TTLL4: variants seen among roughly 807,000 people sequenced by gnomAD.
TTLL4 encodes the protein tubulin tyrosine ligase like 4.
A neutral mutation model predicts 122.7 loss-of-function variants in TTLL4; 85 were observed. The ratio of observed to expected loss-of-function variants is 0.69; its 90% CI spans 0.58 to 0.83. The LOEUF (loss-of-function observed/expected upper bound fraction) is 0.83. TTLL4 is among the 40% of genes least tolerant of loss of function. The probability of loss-of-function intolerance (pLI) is 0.00; values close to 1 mark genes in which losing one functional copy is unlikely to be tolerated. For synonymous variants in TTLL4, 553 were observed against 563.0 expected, an observed-to-expected ratio of 0.98 and a Z score of 0.25; for missense variants, 1,363 against 1,488.6, an observed-to-expected ratio of 0.92 and a Z score of 1.39.
chr2:218,739,004 C>A lies in TTLL4; in HGVS notation c.1328C>A (p.Ser443Tyr). The change falls in exon 3 of 20, where the codon TCC (serine) becomes TAC (tyrosine). Residue 443 changes from serine (S) to tyrosine (Y), a missense_variant. Physicochemically the swap from Ser to Tyr is moderately radical, Grantham distance 144. This residue lies in a region of TTLL4 where 760 missense variants were observed against 808.4 expected (regional missense o/e 0.94). Transcript: ENST00000392102. ...HNPACESVID[S>Y]SAFGEGKAPG... ...CCTGCCTGTGAATCTGTAATTGACT[C>A]CTCAGCATTTGGAGAAGGCAAAGCT... 2 of 1,614,180 alleles carry A rather than the reference C, an allele frequency of 1.2e-6. No homozygotes were observed. Among genetic ancestry groups the A allele is most frequent in the Non-Finnish European group, 1.7e-6 (2 of 1,180,036 alleles).
chr2:218,722,642 G>A (rs1304210516), intron 1 of TTLL4, among the ~76,000 whole-genome samples: 1 of 152,154 alleles, frequency 6.6e-6, no homozygotes, highest in African/African-American at 2.4e-5. Flanking sequence ...AGAGAGTCAG[G>A]AATCAGATCA....
intron 15 of TTLL4, among the ~76,000 whole-genome samples, chr2:218,751,245 T>C (rs10178538): frequency 0.021 from 3,158 of 152,290 alleles, 51 homozygotes; most frequent in Non-Finnish European, 0.031. Context: ...CTTTTTAAAA[T>C]TATTATTTTT....
At chr2:218,734,570 A>C (rs575588952) in intron 2 of TTLL4, among the ~76,000 whole-genome samples, 10 of 152,264 alleles carry the variant, frequency 6.6e-5, no homozygotes, top group South Asian at 2.1e-4. Flanking sequence ...AGTTGGGTGA[A>C]GAAGAAGAAA....
chr2:218,729,225 C>T (rs910345725), intron 2 of TTLL4, among the ~76,000 whole-genome samples: 14 of 152,090 alleles, frequency 9.2e-5, no homozygotes, highest in Non-Finnish European at 1.5e-4. Context: ...TGAGCCACTG[C>T]GCCCAACCTG....
intron 2 of TTLL4, 44 bp from the exon 3 acceptor site, chr2:218,737,535 T>C (rs577284511): frequency 1.3e-5 from 13 of 1,028,398 alleles, no homozygotes; most frequent in Middle Eastern, 3.2e-4. Flanking sequence ...TGGTGTCCGT[T>C]CTCCTGGCAC....
In TTLL4 at chr2:218,746,199, C is replaced by G. The variant is rs1363892714; in HGVS notation, c.1942C>G (p.Pro648Ala). 2 of 1,613,956 alleles carry G rather than the reference C, an allele frequency of 1.2e-6. No homozygotes were observed. The highest frequency in any genetic ancestry group is 1.3e-5 in the African/African-American group (1 of 74,868). ...LGCWGHHMKS[P>A]SFRSIREHQK... The stretch of plus-strand genomic sequence containing the variant: ...CTGCTGGGGTCACCACATGAAGTCT[C>G]CTAGTTTCCGATCCATTCGAGAGCA... Residue 648 changes from proline (P) to alanine (A), a missense_variant, in exon 8 of 20, where the codon CCT (proline) becomes GCT (alanine). Pro to Ala is a conservative substitution (Grantham distance 27, BLOSUM62 -1). Transcript: ENST00000392102.
downstream of TTLL4, among the ~76,000 whole-genome samples, chr2:218,756,296 C>G (rs1037808736): frequency 3.3e-5 from 5 of 151,988 alleles, no homozygotes; most frequent in African/African-American, 9.7e-5. Context: ...TTCCATTGCC[C>G]TAACTGGAGA....
Position 218,747,828 on chromosome 2 carries a change from G to T in TTLL4, c.2378+103G>T. The stretch of plus-strand genomic sequence containing the variant: ...CCAAACAGAAAAATAGTTTTTGTTA[G>T]CAAGGGGAAAGGCAGGAAATGGGAA... On this transcript the variant is annotated intron_variant, in intron 11 of 19. Coordinates refer to ENST00000392102, the MANE Select transcript of TTLL4 (RefSeq NM_014640.5). This position sits in a 1 kb window ranked among gnomAD's most constrained non-coding sequence, Gnocchi z 4.7. The T allele has an allele frequency of 6.6e-7, 1 of 1,512,730 alleles. No individual in the cohort carries two copies. Among genetic ancestry groups the T allele is most frequent in the Admixed American group, 1.9e-5 (1 of 52,782 alleles). 93.7% of individuals were successfully genotyped at this position (1,512,730 alleles called of 1,614,324 possible). A position where few individuals can be genotyped will look rare whatever the true frequency, so the allele number is the denominator to read the frequency against.
At chr2:218,745,894 C>A (rs866920616) in intron 7 of TTLL4, 93 bp downstream of exon 7, 1 of 1,213,218 alleles carries the variant, frequency 8.2e-7, no homozygotes, top group South Asian at 1.3e-5. Context: ...GTGCCTATGT[C>A]GGGGCAGCTG....
At chr2:218,731,163 C>T (rs1942371072) in intron 2 of TTLL4, among the ~76,000 whole-genome samples, 1 of 151,666 alleles carries the variant, frequency 6.6e-6, no homozygotes, top group East Asian at 1.9e-4. Context: ...GTAATCCCAG[C>T]ACTTTGAGAG....
intron 1 of TTLL4, among the ~76,000 whole-genome samples, chr2:218,718,499 C>T (rs1012921266): frequency 1.3e-5 from 2 of 152,124 alleles, no homozygotes; most frequent in Non-Finnish European, 2.9e-5. Flanking sequence ...CTGCCTCCAC[C>T]TCCCAAGTAG....
intron 1 of TTLL4, among the ~76,000 whole-genome samples, chr2:218,719,661 T>C (rs1941974760): frequency 6.6e-6 from 1 of 152,194 alleles, no homozygotes; most frequent in Non-Finnish European, 1.5e-5. Context: ...GGAATGCTTG[T>C]TAAAACTGCA....
intron 1 of TTLL4, among the ~76,000 whole-genome samples, chr2:218,712,698 T>G (rs1321644214): frequency 6.6e-6 from 1 of 152,120 alleles, no homozygotes; most frequent in Non-Finnish European, 1.5e-5. Context: ...CAATGAACTC[T>G]TTTTCTAAAA....
rs748683353 is a variant in TTLL4 at position 218,751,698 on chromosome 2, C to T, written c.2874-6C>T. ...CCCTTTGCTTTCTTTCTGGCCTCTG[C>T]CGTAGCCTGCCCACCTCCCCTGGGG... On this transcript the variant is annotated splice_region_variant and splice_polypyrimidine_tract_variant and intron_variant, in intron 15 of 19. Transcript: ENST00000392102. 7 of 1,611,828 alleles carry T rather than the reference C, an allele frequency of 4.3e-6. No individual in the cohort carries two copies. The Admixed American group carries it at 1.0e-4, about 23-fold the overall frequency.
chr2:218,727,702 A>G (rs1178455890), intron 2 of TTLL4, among the ~76,000 whole-genome samples: 1 of 152,178 alleles, frequency 6.6e-6, no homozygotes, highest in Non-Finnish European at 1.5e-5. Flanking sequence ...AGTTCACACC[A>G]CTGCACTCCA....
rs1942878673 is a variant in TTLL4, at chr2:218,747,508, G to A, written c.2250-89G>A. 4.4e-6 allele frequency: 7 copies of A among 1,578,772 alleles called. No homozygotes were observed. Among genetic ancestry groups the A allele is most frequent in the Non-Finnish European group, 5.2e-6 (6 of 1,160,068 alleles). ...CAACTGTTCTAAGGTCTTTATCTTG[G>A]GGACTGTTAGCTGGCTTTTCCTGTG... On this transcript the variant is annotated intron_variant, in intron 10 of 19. Transcript: ENST00000392102. The surrounding 1 kb of genome is among the most constrained non-coding windows in gnomAD (Gnocchi z 4.7).
At chr2:218,737,489 T>C in intron 2 of TTLL4, 90 bp from the exon 3 acceptor site, 1 of 604,558 alleles carries the variant, frequency 1.7e-6, no homozygotes. Flanking sequence ...AATGCTGAAG[T>C]GGGACTGTAC....
intron 1 of TTLL4, among the ~76,000 whole-genome samples, chr2:218,722,275 A>C (rs568445281): frequency 3.1e-4 from 47 of 152,208 alleles, no homozygotes; most frequent in Non-Finnish European, 5.6e-4. Flanking sequence ...TTGTAGGAAA[A>C]GGTATACACA....
At chr2:218,742,112 A>G (rs1226878076) in intron 5 of TTLL4, among the ~76,000 whole-genome samples, 1 of 151,946 alleles carries the variant, frequency 6.6e-6, no homozygotes, top group Non-Finnish European at 1.5e-5. Flanking sequence ...AGGACCACCC[A>G]CCACACCCAG....
Sources: allele counts gnomAD v4.1 joint callset (sites outside exome capture counted in the v4.1 genomes callset), GRCh38; gene constraint gnomAD v4.1.1; regional missense constraint gnomAD v4.1.1; non-coding constraint Gnocchi (gnomAD v3.1); transcripts MANE v1.5; gene names NCBI Gene and HGNC (gene_info 2026-07-23, HGNC 2026-07-21).